Variants in PARVA observed in about 807,000 individuals in gnomAD.
The protein encoded by PARVA is alpha-parvin.
PARVA carries 25 observed loss-of-function variants against 52.6 expected under a neutral mutation model. That is an observed-to-expected ratio of 0.48 (90% CI 0.35 to 0.66). The LOEUF (loss-of-function observed/expected upper bound fraction) is 0.66, where lower values mean the gene tolerates loss of function less well. Ranked by LOEUF, PARVA falls within the 30% of genes least tolerant of loss-of-function variation. PARVA has a pLI of 0.01. For synonymous variants in PARVA, 185 were observed against 179.1 expected (o/e 1.03, Z -0.26); for missense variants, 373 against 450.9 (o/e 0.83, Z 1.56).
chr11:12,525,147 G>C (rs1941684615), intron 12 of PARVA, among the ~76,000 whole-genome samples: 1 of 152,206 alleles, frequency 6.6e-6, no homozygotes, highest in South Asian at 2.1e-4. Flanking sequence ...CCAAATGAGA[G>C]TGGGAAGGTA....
chr11:12,441,269 C>G (rs1176450971), intron 1 of PARVA, among the ~76,000 whole-genome samples: 1 of 152,064 alleles, frequency 6.6e-6, no homozygotes, highest in Non-Finnish European at 1.5e-5. Context: ...TATAGAGATG[C>G]AAAAGATTAG....
chr11:12,466,098 A>C (rs559817967), intron 1 of PARVA, among the ~76,000 whole-genome samples: 1 of 152,310 alleles, frequency 6.6e-6, no homozygotes, highest in East Asian at 1.9e-4. Context: ...CACAAAGGAT[A>C]ATGAACACCC....
At chr11:12,450,500 C>T (rs1481748771) in intron 1 of PARVA, among the ~76,000 whole-genome samples, 1 of 152,134 alleles carries the variant, frequency 6.6e-6, no homozygotes, top group African/African-American at 2.4e-5. Flanking sequence ...AGAATGAAGC[C>T]TCAGGGTGTT....
chr11:12,508,099 T>C (rs1319525688), intron 6 of PARVA, among the ~76,000 whole-genome samples: 1 of 91,774 alleles, frequency 1.1e-5, no homozygotes, highest in Admixed American at 1.5e-4. Context: ...ATTTATCAGT[T>C]AAAAAAAAAA....
intron 7 of PARVA, among the ~76,000 whole-genome samples, chr11:12,509,307 T>C (rs372856469): frequency 3.9e-5 from 6 of 152,280 alleles, no homozygotes; most frequent in Admixed American, 2.0e-4. Context: ...AAGAGCAGCA[T>C]AGTGCAAAGA....
At chr11:12,478,411 C>A in intron 4 of PARVA, 1 of 266,494 alleles carries the variant, frequency 3.8e-6, no homozygotes, top group Non-Finnish European at 7.4e-6. Context: ...GGTCACTTTG[C>A]AGCTGTTCAT....
At chr11:12,509,632 T>C (rs900955852) in intron 7 of PARVA, among the ~76,000 whole-genome samples, 1 of 152,200 alleles carries the variant, frequency 6.6e-6, no homozygotes, top group Non-Finnish European at 1.5e-5. Flanking sequence ...TAACAAGGAC[T>C]AAGGGGCGTG....
At chr11:12,494,159 A>G (rs1941266747) in intron 4 of PARVA, among the ~76,000 whole-genome samples, 3 of 152,254 alleles carry the variant, frequency 2.0e-5, no homozygotes, top group Non-Finnish European at 4.4e-5. Flanking sequence ...CAGAGCTTCC[A>G]TGCTTTCTCA....
intron 1 of PARVA, among the ~76,000 whole-genome samples, chr11:12,470,615 AT>A (rs1940920275): frequency 6.6e-6 from 1 of 152,182 alleles, no homozygotes; most frequent in Non-Finnish European, 1.5e-5. Flanking sequence ...CAAAACTTAC[AT>A]TCTGGTGAGG....
chr11:12,451,808 A>G (rs1309101344), intron 1 of PARVA, among the ~76,000 whole-genome samples: 5 of 152,188 alleles, frequency 3.3e-5, no homozygotes, highest in African/African-American at 1.2e-4. Context: ...TAATCCAAGA[A>G]TGTTAGCTAA....
intron 4 of PARVA, chr11:12,479,627 A>G (rs1941058516): frequency 6.6e-6 from 1 of 152,108 alleles, no homozygotes; most frequent in South Asian, 2.1e-4. Flanking sequence ...AAAGATAGTC[A>G]TATACTTTTT....
intron 1 of PARVA, among the ~76,000 whole-genome samples, chr11:12,432,759 GGA>G (rs1564845657): frequency 1.3e-5 from 2 of 152,204 alleles, no homozygotes; most frequent in Non-Finnish European, 1.5e-5. Context: ...TTTAAAAAGT[GGA>G]GAGCTGTTCT....
chr11:12,481,493 A>G (rs1316769357), intron 4 of PARVA, among the ~76,000 whole-genome samples: 1 of 150,716 alleles, frequency 6.6e-6, no homozygotes, highest in Non-Finnish European at 1.5e-5. Flanking sequence ...ACCATCTTAT[A>G]TTTTTCTTAC....
chr11:12,382,379 T>C (rs1490114283), intron 1 of PARVA, among the ~76,000 whole-genome samples: 11 of 144,682 alleles, frequency 7.6e-5, no homozygotes, highest in Non-Finnish European at 1.0e-4. Flanking sequence ...GAGTAACTTT[T>C]TCTTTTTTTT....
At chr11:12,527,788 A>T in intron 12 of PARVA, 61 bp from the exon 13 acceptor site, 4 of 1,291,908 alleles carry the variant, frequency 3.1e-6, no homozygotes, top group Non-Finnish European at 4.5e-6. Flanking sequence ...GGGGCAGTGT[A>T]TGCCAGCTTT....
At chr11:12,397,250 A>G (rs768171517) in intron 1 of PARVA, among the ~76,000 whole-genome samples, 1 of 152,090 alleles carries the variant, frequency 6.6e-6, no homozygotes, top group Admixed American at 6.6e-5. Context: ...ATTTTTAGAG[A>G]TGGCGTCTTG....
intron 5 of PARVA, among the ~76,000 whole-genome samples, chr11:12,500,606 A>T (rs1353187000): frequency 6.6e-6 from 1 of 151,298 alleles, no homozygotes; most frequent in African/African-American, 2.4e-5. Flanking sequence ...CCTGGCCAAC[A>T]TGGCAAAACC....
intron 1 of PARVA, among the ~76,000 whole-genome samples, chr11:12,411,556 T>G (rs1361442420): frequency 6.6e-6 from 1 of 152,204 alleles, no homozygotes; most frequent in African/African-American, 2.4e-5. Flanking sequence ...TCCTCTTGGC[T>G]ATAATAGCTT....
intron 1 of PARVA, among the ~76,000 whole-genome samples, chr11:12,465,900 G>C (rs1165903731): frequency 6.6e-6 from 1 of 152,170 alleles, no homozygotes; most frequent in Admixed American, 6.5e-5. Flanking sequence ...GGATTATATG[G>C]TAAAATTATA....
Sources: allele counts gnomAD v4.1 joint callset (sites outside exome capture counted in the v4.1 genomes callset), GRCh38; gene constraint gnomAD v4.1.1; transcripts MANE v1.5; gene names NCBI Gene and HGNC (gene_info 2026-07-23, HGNC 2026-07-21).